The following CCDC112 variants were observed in gnomAD, a reference collection of about 807,000 sequenced individuals.
CCDC112 encodes coiled-coil domain-containing protein 112.
CCDC112 carries 40 observed loss-of-function variants against 66.3 expected under a neutral mutation model. The ratio of observed to expected loss-of-function variants is 0.60; its 90% CI spans 0.47 to 0.79. The LOEUF (loss-of-function observed/expected upper bound fraction) is 0.79. CCDC112 is among the 30% of genes least tolerant of loss of function. CCDC112 has a pLI of 0.00. For synonymous variants in CCDC112, 214 were observed against 197.2 expected, an observed-to-expected ratio of 1.09 and a Z score of -0.71; for missense variants, 659 against 603.8, an observed-to-expected ratio of 1.09 and a Z score of -0.96.
intron 1 of CCDC112, chr5:115,296,184 C>T: frequency 7.9e-7 from 1 of 1,267,402 alleles, no homozygotes; most frequent in Non-Finnish European, 9.9e-7. Context: ...TATCACGCGG[C>T]TAGGAAGCGG....
intron 1 of CCDC112, among the ~76,000 whole-genome samples, chr5:115,288,156 T>A (rs993218056): frequency 2.6e-5 from 4 of 152,088 alleles, no homozygotes; most frequent in African/African-American, 9.7e-5. Context: ...AATTTTTGTA[T>A]TTTTAGTAGA....
In CCDC112 at chr5:115,275,155, G is replaced by A. The variant is rs1339217935; in HGVS notation, c.918+61C>T. ...GTAAAGTTAATGAGACATGTTAAGT[G>A]TTTAGTACAGTGCCTAGAACATAGA... On this transcript the variant is annotated intron_variant, in intron 6 of 9. Coordinates refer to ENST00000379611, the MANE Select transcript of CCDC112 (RefSeq NM_001040440.3). 3.1e-6 allele frequency: 4 copies of A among 1,275,072 alleles called. No homozygotes were observed. The East Asian group carries it at 7.3e-5, about 23-fold the overall frequency. 79.0% of individuals were successfully genotyped at this position (1,275,072 alleles called of 1,614,324 possible).
In CCDC112 at chr5:115,276,006, TCTTCTTTA is replaced by T; in HGVS notation, c.507_514del (p.Phe169LeufsTer7). 6.3e-7 allele frequency: 1 copy of T among 1,599,754 alleles called. No individual in the cohort carries two copies. The highest frequency in any genetic ancestry group is 8.5e-7 in the Non-Finnish European group (1 of 1,170,430). On this transcript the variant is annotated frameshift_variant, in exon 5 of 10. Transcript: ENST00000379611. LOFTEE classifies it high-confidence loss of function. ...GTTTAAAACATACATCAACCTCTGC[TCTTCTTTA>T]AAAGTGTTAATTGCATTTTCAATTT... is the stretch of plus-strand genomic sequence containing the variant.
In CCDC112 at chr5:115,296,436, C is replaced by A; in HGVS notation, c.108G>T (p.Ala36=). 6 of 1,566,396 alleles carry A rather than the reference C, an allele frequency of 3.8e-6. No individual in the cohort carries two copies. The highest frequency in any genetic ancestry group is 2.3e-5 in the South Asian group (2 of 87,884). ...GTTCTCCCGGATTTACCTGTTGAGG[C>A]GCTGGCGTCGCTCCCACGCCGGTCC... The part of the protein sequence containing the change: ...ATGTGVGATP[A]PQQSDGCFST... The change falls in exon 1 of 10, where the codon GCG becomes GCT. Residue 36 remains alanine, a synonymous_variant. Transcript: ENST00000379611.
rs748768635 is a variant in CCDC112, at chr5:115,277,035, T to C, written c.381A>G (p.Gln127=). 17 of 1,608,346 alleles carry C rather than the reference T, an allele frequency of 1.1e-5. No individual in the cohort carries two copies. Among genetic ancestry groups the C allele is most frequent in the Middle Eastern group, 3.3e-4 (2 of 6,032 alleles). Residue 127 remains glutamine (Q), a synonymous_variant, in exon 4 of 10, where the codon CAA becomes CAG. Coordinates refer to ENST00000379611, the MANE Select transcript of CCDC112 (RefSeq NM_001040440.3). ...RKTERAKIQQ[Q]LAKIHNNVKK... ...TTACATTATTATGTATTTTGGCCAA[T>C]TGTTGCTGGATTTTTGCTCCTATAA...
intron 3 of CCDC112, among the ~76,000 whole-genome samples, chr5:115,278,437 A>G (rs1316229783): frequency 6.6e-6 from 1 of 152,108 alleles, no homozygotes; most frequent in Non-Finnish European, 1.5e-5. Flanking sequence ...GGAAAAACAT[A>G]AAGTGTAGTA....
rs796771680 is a variant in CCDC112, at chr5:115,295,026, A to G, written c.117+1401T>C. Among the ~76,000 whole-genome samples, 3 of 152,260 alleles carry G rather than the reference A, an allele frequency of 2.0e-5. No individual in the cohort carries two copies. In the East Asian group the frequency reaches 5.8e-4, roughly 29 times the overall value. ...TCAGCACTACTAACTTTTGGACCAG[A>G]TGATTTTTGTTATGGGTGGCTGTTC... On this transcript the variant is annotated intron_variant, in intron 1 of 9. Coordinates refer to ENST00000379611, the MANE Select transcript of CCDC112 (RefSeq NM_001040440.3).
Position 115,272,003 on chromosome 5 carries a change from C to A in CCDC112, c.919-377G>T, listed in dbSNP as rs187148783. Among the ~76,000 whole-genome samples the A allele has an allele frequency of 8.7e-4, 131 of 151,086 alleles. 1 individual carries two copies. Among genetic ancestry groups the A allele is most frequent in the African/African-American group, 3.2e-3 (131 of 41,114 alleles). Reference sequence around the variant, plus strand: ...GCAGTGGCACGATCTCAGCTCACTGCAACCTCTGCCTCCCAGGTTCAAGTG... The same window carrying A: ...GCAGTGGCACGATCTCAGCTCACTGAAACCTCTGCCTCCCAGGTTCAAGTG... On this transcript the variant is annotated intron_variant, in intron 6 of 9. Coordinates refer to ENST00000379611, the MANE Select transcript of CCDC112 (RefSeq NM_001040440.3).
At chr5:115,295,823 CAG>C in intron 1 of CCDC112, 1 of 880,380 alleles carries the variant, frequency 1.1e-6, no homozygotes, top group Non-Finnish European at 1.4e-6. Flanking sequence ...AAACCAGAAA[CAG>C]GGACTGGGTG....
intron 6 of CCDC112, among the ~76,000 whole-genome samples, 155 bp downstream of exon 6, chr5:115,275,061 A>G (rs1346418881): frequency 1.3e-5 from 2 of 152,124 alleles, no homozygotes; most frequent in African/African-American, 4.8e-5. Flanking sequence ...TTAACTTTCA[A>G]TGCCTCAGTT....
chr5:115,268,109 TGACA>T (rs1021648493), intron 9 of CCDC112, among the ~76,000 whole-genome samples, 191 bp from the exon 10 acceptor site: 1 of 152,166 alleles, frequency 6.6e-6, no homozygotes, highest in African/African-American at 2.4e-5. Flanking sequence ...TCAAACTGAT[TGACA>T]GACAAACCAA....
intron 6 of CCDC112, among the ~76,000 whole-genome samples, chr5:115,274,717 T>C (rs970127128): frequency 6.6e-5 from 10 of 152,192 alleles, no homozygotes; most frequent in African/African-American, 2.2e-4. Flanking sequence ...TGTTGTTCTA[T>C]TAATTGGGTA....
chr5:115,279,864 G>T (rs1749377760), intron 2 of CCDC112, 96 bp from the exon 3 acceptor site: 2 of 696,720 alleles, frequency 2.9e-6, no homozygotes, highest in South Asian at 2.2e-5. Flanking sequence ...TTTATATTTG[G>T]ATTAATTCAT....
chr5:115,296,276 C>T, intron 1 of CCDC112, 151 bp downstream of exon 1: 1 of 1,319,336 alleles, frequency 7.6e-7, no homozygotes, highest in Non-Finnish European at 9.6e-7. Flanking sequence ...AACGCACAAG[C>T]CAACAAAGAG....
chr5:115,282,553 C>T (rs1204819829), intron 2 of CCDC112, among the ~76,000 whole-genome samples: 1 of 151,976 alleles, frequency 6.6e-6, no homozygotes, highest in Non-Finnish European at 1.5e-5. Context: ...GCAAAATCTA[C>T]AATTCCTTGT....
chr5:115,272,843 A>G (rs924593552), intron 6 of CCDC112, among the ~76,000 whole-genome samples: 6 of 152,226 alleles, frequency 3.9e-5, no homozygotes, highest in African/African-American at 1.4e-4. Flanking sequence ...AATGCCACCT[A>G]GTACAGTGCT....
At chr5:115,293,182 G>A (rs1750008259) in intron 1 of CCDC112, among the ~76,000 whole-genome samples, 1 of 152,176 alleles carries the variant, frequency 6.6e-6, no homozygotes, top group Non-Finnish European at 1.5e-5. Context: ...GGTGGGGAGG[G>A]CAAGGAAGGA....
At chr5:115,289,303 T>G (rs1749819977) in intron 1 of CCDC112, 1 of 158,728 alleles carries the variant, frequency 6.3e-6, no homozygotes, top group South Asian at 1.9e-4. Context: ...TCACTTCCCC[T>G]TCTGCTGAGC....
intron 1 of CCDC112, 55 bp downstream of exon 1, chr5:115,296,372 G>C: frequency 3.3e-6 from 5 of 1,527,626 alleles, no homozygotes; most frequent in South Asian, 1.2e-5. Flanking sequence ...TGTTCAGCCA[G>C]GGCCTGCAGC....
Sources: gnomAD v4.1 joint callset for allele counts (sites outside exome capture counted in the v4.1 genomes callset) on GRCh38, gnomAD v4.1.1 for gene constraint, MANE v1.5 for transcripts, NCBI Gene and HGNC (gene_info 2026-07-23, HGNC 2026-07-21) for gene names.